FREM3: variants seen among roughly 807,000 people sequenced by gnomAD.
FREM3 encodes FRAS1-related extracellular matrix protein 3.
FREM3 carries 105 observed loss-of-function variants against 129.1 expected under a neutral mutation model. That is an observed-to-expected ratio of 0.81 (90% CI 0.69 to 0.96). The LOEUF is 0.96. FREM3 is among the 40% of genes least tolerant of loss of function. The probability of loss-of-function intolerance (pLI) is 0.00; values close to 1 mark genes in which losing one functional copy is unlikely to be tolerated. For synonymous variants in FREM3, 1,014 were observed against 1,044.9 expected (o/e 0.97, Z 0.57); for missense variants, 2,593 against 2,666.3 (o/e 0.97, Z 0.61).
In FREM3 at chr4:143,595,836, T is replaced by C. The variant is rs188596836; in HGVS notation, c.6029-9843A>G. 3.6e-3 allele frequency among the ~76,000 whole-genome samples: 493 copies of C among 137,566 alleles called. 5 individuals carry two copies. Among genetic ancestry groups the C allele is most frequent in the African/African-American group, 0.013 (475 of 37,138 alleles). 90.2% of individuals were successfully genotyped at this position (137,566 alleles called of 152,430 possible). ...CTGGGAGGCAGAGCTTGCAGTGAGC[T>C]GAGATCACGCCACTGCACTCCAGTC... On this transcript the variant is annotated intron_variant, in intron 6 of 7. Coordinates refer to ENST00000329798, the MANE Select transcript of FREM3 (RefSeq NM_001168235.2).
intron 7 of FREM3, among the ~76,000 whole-genome samples, chr4:143,584,862 CGACTACACCGTTG>C (rs1738210633): frequency 6.6e-6 from 1 of 152,154 alleles, no homozygotes; most frequent in Non-Finnish European, 1.5e-5. Flanking sequence ...ACTCTAAAAT[CGACTACACCGTTG>C]GCCATAAAAA....
At chr4:143,602,610 G>A (rs1389303345) in intron 6 of FREM3, among the ~76,000 whole-genome samples, 2 of 149,738 alleles carry the variant, frequency 1.3e-5, no homozygotes, top group African/African-American at 5.1e-5. Flanking sequence ...AACTCTGACA[G>A]GAGATTCTGT....
chr4:143,689,526 A>G (rs567167909), intron 2 of FREM3, among the ~76,000 whole-genome samples: 3 of 152,280 alleles, frequency 2.0e-5, no homozygotes, highest in South Asian at 4.1e-4. Flanking sequence ...CAATCCCACT[A>G]CTAGGTATTT....
intron 6 of FREM3, among the ~76,000 whole-genome samples, chr4:143,600,511 C>T (rs1738553580): frequency 1.3e-5 from 2 of 152,140 alleles, no homozygotes; most frequent in African/African-American, 4.8e-5. Flanking sequence ...TAATTTAGAC[C>T]TTAACCTTGT....
intron 2 of FREM3, among the ~76,000 whole-genome samples, chr4:143,687,506 A>G (rs1740390799): frequency 6.6e-6 from 1 of 152,218 alleles, no homozygotes; most frequent in African/African-American, 2.4e-5. Context: ...TCCCTAATTC[A>G]TTCTATGAAG....
intron 1 of FREM3, among the ~76,000 whole-genome samples, chr4:143,693,662 G>A (rs1740513654): frequency 1.3e-5 from 2 of 152,166 alleles, no homozygotes; most frequent in Admixed American, 1.3e-4. Flanking sequence ...GTTCATAGCA[G>A]CACTACTCAC....
chr4:143,699,098 G>A lies in FREM3; in HGVS notation c.1578C>T (p.His526=). ...TGAGGGGAAAGAGGAAGTCCACTTGGTGGTGCCCGTCCTCCATCCGGAAGA... is the reference window on the plus strand; with the variant it reads ...TGAGGGGAAAGAGGAAGTCCACTTGATGGTGCCCGTCCTCCATCCGGAAGA... ...NIIFRMEDGH[H]QVDFLFPLTI... is the part of the protein sequence containing the mutation. Residue 526 remains histidine (H), a synonymous_variant, in exon 1 of 8, where the codon CAC becomes CAT. Coordinates refer to ENST00000329798, the MANE Select transcript of FREM3 (RefSeq NM_001168235.2). The surrounding 1 kb of genome is among the most constrained non-coding windows in gnomAD (Gnocchi z 4.2). The A allele has an allele frequency of 6.5e-7, 1 of 1,537,400 alleles. No individual in the cohort carries two copies. The highest frequency in any genetic ancestry group is 8.7e-7 in the Non-Finnish European group (1 of 1,146,960).
intron 2 of FREM3, among the ~76,000 whole-genome samples, chr4:143,661,640 A>G (rs1330431299): frequency 6.6e-6 from 1 of 151,920 alleles, no homozygotes; most frequent in Non-Finnish European, 1.5e-5. Context: ...TTTTCTATTG[A>G]TTGGAATAGT....
chr4:143,618,031 T>C (rs1179976538), intron 5 of FREM3, among the ~76,000 whole-genome samples: 1 of 152,186 alleles, frequency 6.6e-6, no homozygotes, highest in Admixed American at 6.5e-5. Context: ...GATGAGATGG[T>C]AAACAGCCCA....
chr4:143,693,079 C>A, intron 2 of FREM3, 34 bp downstream of exon 2: 1 of 1,120,448 alleles, frequency 8.9e-7, no homozygotes, highest in Non-Finnish European at 1.2e-6. Flanking sequence ...TTTAGTTAAC[C>A]ATGAATCCTT....
At position 143,697,456 on chromosome 4, in the gene FREM3, C is replaced by T. The variant is rs766345766; in HGVS notation, c.3220G>A (p.Val1074Ile). The T allele has an allele frequency of 6.5e-7, 1 of 1,537,228 alleles. No homozygotes were observed. The change falls in exon 1 of 8, where the codon GTC becomes ATC. Residue 1074 changes from valine (V) to isoleucine (I), a missense_variant. This residue lies in a region of FREM3 where 2,276 missense variants were observed against 2,267.2 expected (regional missense o/e 1.00). Transcript: ENST00000329798. ...PVDNVGPKVF[V>I]GESFIVYEGE... ...TCATAGACAATGAAGGACTCCCCGACGAAGACCTTGGGTCCCACATTGTCC... is the reference window on the plus strand; with the variant it reads ...TCATAGACAATGAAGGACTCCCCGATGAAGACCTTGGGTCCCACATTGTCC...
intron 2 of FREM3, among the ~76,000 whole-genome samples, chr4:143,674,284 C>A (rs554359716): frequency 1.3e-5 from 2 of 152,252 alleles, no homozygotes; most frequent in Admixed American, 1.3e-4. Context: ...CCATATCCAG[C>A]CAAACTAAGC....
chr4:143,697,785 G>T lies in FREM3; in HGVS notation c.2891C>A (p.Ala964Asp). The T allele has an allele frequency of 6.5e-7, 1 of 1,537,490 alleles. No individual in the cohort carries two copies. Among genetic ancestry groups the T allele is most frequent in the Non-Finnish European group, 8.7e-7 (1 of 1,146,960 alleles). The change falls in exon 1 of 8, where the codon GCC becomes GAC. Residue 964 changes from alanine (A) to aspartate (D), a missense_variant. Ala to Asp is a moderately radical substitution (Grantham distance 126). Transcript: ENST00000329798. ...DVSIDVLENK[A>D]TEITMGVIHG... ...GATGACACCCATGGTAATTTCAGTG[G>T]CTTTATTCTCTAGTACGTCTATAGA...
In FREM3 at chr4:143,628,301, A is replaced by G. The variant is rs17017974; in HGVS notation, c.5276-541T>C. On this transcript the variant is annotated intron_variant, in intron 2 of 7. Transcript: ENST00000329798. ...TCTAATGTTTAAAAACTACCCATGAAGAGGACAATAGACAAGGGATATAAG... is the reference window on the plus strand; with the variant it reads ...TCTAATGTTTAAAAACTACCCATGAGGAGGACAATAGACAAGGGATATAAG... Among the ~76,000 whole-genome samples, 837 of 152,290 alleles carry G rather than the reference A, an allele frequency of 5.5e-3. 13 individuals are homozygous for G. The East Asian group carries it at 0.062, about 11-fold the overall frequency.
chr4:143,581,662 C>T (rs879825498), intron 7 of FREM3, among the ~76,000 whole-genome samples: 14 of 152,272 alleles, frequency 9.2e-5, no homozygotes, highest in South Asian at 2.1e-4. Flanking sequence ...ACACCTCTAC[C>T]GTGCCAGTTG....
chr4:143,622,597 G>A (rs1738971296), intron 4 of FREM3, among the ~76,000 whole-genome samples: 1 of 152,058 alleles, frequency 6.6e-6, no homozygotes, highest in Non-Finnish European at 1.5e-5. Flanking sequence ...ACCAGTGATA[G>A]TTTTCTTTCC....
chr4:143,628,911 C>T lies in FREM3; in HGVS notation c.5276-1151G>A, dbSNP rs145060016. 2.6e-4 allele frequency among the ~76,000 whole-genome samples: 40 copies of T among 152,116 alleles called. No homozygotes were observed. In the East Asian group the frequency reaches 4.1e-3, roughly 15 times the overall value. On this transcript the variant is annotated intron_variant, in intron 2 of 7. Transcript: ENST00000329798. ...GGAGAGCGCTGCATTGGGAAGCAGTCGAGTAGCTTTGAAGAGCAGGACAAA... is the reference window on the plus strand; with the variant it reads ...GGAGAGCGCTGCATTGGGAAGCAGTTGAGTAGCTTTGAAGAGCAGGACAAA...
intron 2 of FREM3, among the ~76,000 whole-genome samples, chr4:143,647,728 A>G (rs1739443551): frequency 6.6e-6 from 1 of 152,180 alleles, no homozygotes; most frequent in Admixed American, 6.5e-5. Flanking sequence ...CCTAGATTTC[A>G]GAGGATGTAT....
At chr4:143,609,252 C>T (rs930733404) in intron 6 of FREM3, among the ~76,000 whole-genome samples, 15 of 152,212 alleles carry the variant, frequency 9.9e-5, no homozygotes, top group South Asian at 4.1e-4. Flanking sequence ...CCATTTCTTT[C>T]GTTGTGTACC....
Sources: gnomAD v4.1 joint callset for allele counts (sites outside exome capture counted in the v4.1 genomes callset) on GRCh38, gnomAD v4.1.1 for gene constraint, gnomAD v4.1.1 regional missense constraint, Gnocchi (gnomAD v3.1) non-coding constraint, MANE v1.5 for transcripts, NCBI Gene and HGNC (gene_info 2026-07-23, HGNC 2026-07-21) for gene names.